DOK6: variants seen among roughly 807,000 people sequenced by gnomAD.
DOK6 encodes the protein docking protein 6, also known as downstream of tyrosine kinase 6.
In DOK6, 22 loss-of-function variants were observed where a neutral mutation model predicts 44.0. The ratio of observed to expected loss-of-function variants is 0.50; its 90% CI spans 0.36 to 0.71. The LOEUF (loss-of-function observed/expected upper bound fraction) is 0.71. Among genes scored for constraint, DOK6 ranks in the 30% least tolerant of loss-of-function variants. The pLI is 0.00. For missense variants in DOK6, 340 were observed against 416.4 expected, an observed-to-expected ratio of 0.82 and a Z score of 1.60; for synonymous variants, 166 against 145.5, an observed-to-expected ratio of 1.14 and a Z score of -1.01.
At chr18:69,699,280 A>T (rs894560342) in intron 5 of DOK6, among the ~76,000 whole-genome samples, 1 of 152,192 alleles carries the variant, frequency 6.6e-6, no homozygotes, top group African/African-American at 2.4e-5. Flanking sequence ...AGGGTACATG[A>T]TTTATCACAT....
chr18:69,785,025 C>T (rs1016934735), intron 7 of DOK6, among the ~76,000 whole-genome samples: 1 of 152,124 alleles, frequency 6.6e-6, no homozygotes. Flanking sequence ...AATTAAAGTA[C>T]ACTCAGTGTC....
At chr18:69,659,444 T>C (rs191141690) in intron 3 of DOK6, among the ~76,000 whole-genome samples, 132 of 152,334 alleles carry the variant, frequency 8.7e-4, no homozygotes, top group Admixed American at 2.0e-3. Context: ...GTTATGTGTT[T>C]CTGCACAATG....
chr18:69,599,855 T>G (rs1012587523), intron 3 of DOK6, among the ~76,000 whole-genome samples: 1 of 152,156 alleles, frequency 6.6e-6, no homozygotes, highest in Non-Finnish European at 1.5e-5. Flanking sequence ...CAGGGTGCTG[T>G]GCAAAAGCAT....
chr18:69,708,372 C>G (rs1255208174), intron 5 of DOK6, among the ~76,000 whole-genome samples: 6 of 152,180 alleles, frequency 3.9e-5, no homozygotes, highest in African/African-American at 1.4e-4. Context: ...AGCACTTTCC[C>G]TGTGCCTTCA....
intron 4 of DOK6, among the ~76,000 whole-genome samples, chr18:69,693,849 G>A (rs1185245250): frequency 6.6e-6 from 1 of 151,510 alleles, no homozygotes; most frequent in African/African-American, 2.4e-5. Flanking sequence ...ATGAGGTCAG[G>A]AGATCGAGAC....
intron 2 of DOK6, among the ~76,000 whole-genome samples, chr18:69,573,092 G>A (rs1983154176): frequency 1.3e-5 from 2 of 151,496 alleles, no homozygotes; most frequent in African/African-American, 4.8e-5. Flanking sequence ...TAATTATAGG[G>A]TTTTGGCCTT....
intron 2 of DOK6, among the ~76,000 whole-genome samples, chr18:69,596,129 G>T (rs1983735064): frequency 6.6e-6 from 1 of 152,162 alleles, no homozygotes; most frequent in Admixed American, 6.5e-5. Flanking sequence ...ACAGGACCTG[G>T]AACATAGACA....
In DOK6 at chr18:69,564,590, A is replaced by T. The variant is rs757167543; in HGVS notation, c.170A>T (p.His57Leu). The change falls in exon 2 of 8, where the codon CAT becomes CTT. Residue 57 changes from histidine to leucine, a missense_variant. His to Leu is a moderately conservative substitution (Grantham distance 99, BLOSUM62 -3). This residue lies in a region of DOK6 where 206 missense variants were observed against 258.6 expected (regional missense o/e 0.80). Transcript: ENST00000382713. ...AAGGCAGCTTATTTCAGAAACTTTC[A>T]TAAGGTAAGTCACAGTCCTGGGAGT... ...DEKAAYFRNF[H>L]KVTELHNIKN... 6.2e-7 allele frequency: 1 copy of T among 1,612,790 alleles called. No individual in the cohort carries two copies. The highest frequency in any genetic ancestry group is 1.1e-5 in the South Asian group (1 of 90,930).
intron 3 of DOK6, among the ~76,000 whole-genome samples, chr18:69,602,268 T>A (rs1198222599): frequency 6.6e-6 from 1 of 152,182 alleles, no homozygotes; most frequent in Non-Finnish European, 1.5e-5. Context: ...GTTGATAGAC[T>A]CTACCCTTGA....
At chr18:69,644,546 G>T (rs1449901565) in intron 3 of DOK6, among the ~76,000 whole-genome samples, 2 of 152,130 alleles carry the variant, frequency 1.3e-5, no homozygotes, top group East Asian at 3.8e-4. Context: ...TGACACATTT[G>T]TCAAAAATCA....
chr18:69,752,377 TA>T, intron 6 of DOK6, among the ~76,000 whole-genome samples: 1 of 152,200 alleles, frequency 6.6e-6, no homozygotes, highest in South Asian at 2.1e-4. Context: ...ATACATCAGC[TA>T]AAGTCCCTAG....
chr18:69,692,256 C>T (rs1986284797), intron 4 of DOK6, among the ~76,000 whole-genome samples: 1 of 152,142 alleles, frequency 6.6e-6, no homozygotes, highest in South Asian at 2.1e-4. Flanking sequence ...TCAATTACAC[C>T]AGTCATCTCA....
intron 1 of DOK6, among the ~76,000 whole-genome samples, chr18:69,404,578 C>A (rs1258505505): frequency 2.0e-5 from 3 of 152,168 alleles, no homozygotes; most frequent in African/African-American, 7.2e-5. Context: ...AAATTTTAGA[C>A]TGCTATACCT....
intron 5 of DOK6, among the ~76,000 whole-genome samples, chr18:69,699,376 T>G (rs1986460920): frequency 2.6e-5 from 4 of 152,234 alleles, no homozygotes; most frequent in Admixed American, 1.3e-4. Context: ...TATAACTTTC[T>G]TCTTAAAAAC....
chr18:69,783,485 G>T lies in DOK6; in HGVS notation c.856+25612G>T, dbSNP rs757007474. Among the ~76,000 whole-genome samples, 6 of 152,064 alleles carry T rather than the reference G, an allele frequency of 3.9e-5. No homozygotes were observed. In the East Asian group the frequency reaches 1.2e-3, roughly 29 times the overall value. On this transcript the variant is annotated intron_variant, in intron 7 of 7. Coordinates refer to ENST00000382713, the MANE Select transcript of DOK6 (RefSeq NM_152721.6). ...TAATGTAGCTACTAGTAAATTTAAC[G>T]TTACATTGGTGTTTTATATACTACG...
At chr18:69,744,130 G>C (rs1486389900) in intron 6 of DOK6, among the ~76,000 whole-genome samples, 4 of 152,070 alleles carry the variant, frequency 2.6e-5, no homozygotes, top group Admixed American at 2.6e-4. Flanking sequence ...GGCCAACATG[G>C]TTAAACCCCG....
chr18:69,706,345 G>C (rs919403600), intron 5 of DOK6, among the ~76,000 whole-genome samples: 1 of 152,072 alleles, frequency 6.6e-6, no homozygotes, highest in Non-Finnish European at 1.5e-5. Context: ...GACCTATCTG[G>C]TTTTCAGAAG....
At chr18:69,402,754 G>A (rs1179780604) in intron 1 of DOK6, among the ~76,000 whole-genome samples, 1 of 152,204 alleles carries the variant, frequency 6.6e-6, no homozygotes, top group Non-Finnish European at 1.5e-5. Flanking sequence ...GAGCCAACGT[G>A]CGCTGCCGTG....
At chr18:69,735,710 G>A (rs535282463) in intron 5 of DOK6, among the ~76,000 whole-genome samples, 20 of 152,178 alleles carry the variant, frequency 1.3e-4, no homozygotes, top group Admixed American at 2.6e-4. Flanking sequence ...AGGCATCCCC[G>A]CTAGGCTGTC....
Sources: gnomAD v4.1 joint callset for allele counts (sites outside exome capture counted in the v4.1 genomes callset) on GRCh38, gnomAD v4.1.1 for gene constraint, gnomAD v4.1.1 regional missense constraint, MANE v1.5 for transcripts, NCBI Gene and HGNC (gene_info 2026-07-23, HGNC 2026-07-21) for gene names.